The following ADAMTS6 variants were observed in gnomAD, a reference collection of about 807,000 sequenced individuals.
ADAMTS6 encodes ADAM metallopeptidase with thrombospondin type 1 motif 6, also known as A disintegrin and metalloproteinase with thrombospondin motifs 6.
ADAMTS6 carries 23 observed loss-of-function variants against 144.3 expected under a neutral mutation model. The ratio of observed to expected loss-of-function variants is 0.16; its 90% CI spans 0.11 to 0.23. The LOEUF (loss-of-function observed/expected upper bound fraction) is 0.23, where lower values mean the gene tolerates loss of function less well. Ranked by LOEUF, ADAMTS6 falls within the 10% of genes least tolerant of loss-of-function variation. The pLI is 1.00. For synonymous variants in ADAMTS6, 444 were observed against 457.5 expected, an observed-to-expected ratio of 0.97 and a Z score of 0.38; for missense variants, 999 against 1,379.6, an observed-to-expected ratio of 0.72 and a Z score of 4.37.
At chr5:65,284,537 T>C (rs528162223) in intron 11 of ADAMTS6, among the ~76,000 whole-genome samples, 2 of 152,226 alleles carry the variant, frequency 1.3e-5, no homozygotes, top group Admixed American at 6.5e-5. Context: ...TACTATAAAT[T>C]AATAAATCCA....
At chr5:65,268,319 A>G (rs1360881934) in intron 12 of ADAMTS6, among the ~76,000 whole-genome samples, 1 of 152,234 alleles carries the variant, frequency 6.6e-6, no homozygotes, top group Non-Finnish European at 1.5e-5. Flanking sequence ...AACAGGGATT[A>G]CAAGGATTGG....
At chr5:65,388,165 C>T (rs201862506) in intron 7 of ADAMTS6, among the ~76,000 whole-genome samples, 3 of 152,072 alleles carry the variant, frequency 2.0e-5, no homozygotes, top group South Asian at 2.1e-4. Flanking sequence ...GCCAAGATCG[C>T]GCCATTGCAT....
At position 65,451,751 on chromosome 5, in the gene ADAMTS6, T is replaced by G. The variant is rs546342241; in HGVS notation, c.928-131A>C. 3.6e-5 allele frequency: 38 copies of G among 1,065,214 alleles called. No homozygotes were observed. In the South Asian group the frequency reaches 5.3e-4, roughly 15 times the overall value. 66.0% of individuals were successfully genotyped at this position (1,065,214 alleles called of 1,614,324 possible). A position where few individuals can be genotyped will look rare whatever the true frequency, so the allele number is the denominator to read the frequency against. On this transcript the variant is annotated intron_variant, in intron 6 of 24. Transcript: ENST00000381055. The stretch of plus-strand genomic sequence containing the variant: ...AGGAATAATCTCTTGCCAATTTTTA[T>G]CTCTGTAATATCTGACCTAGAGCTC...
chr5:65,283,784 T>C (rs764504293), intron 11 of ADAMTS6, among the ~76,000 whole-genome samples: 10 of 152,144 alleles, frequency 6.6e-5, no homozygotes, highest in Non-Finnish European at 1.3e-4. Context: ...TAACTTGAAA[T>C]TCTTCCTAAT....
chr5:65,300,930 C>A (rs6885138), intron 9 of ADAMTS6, among the ~76,000 whole-genome samples: 2 of 152,068 alleles, frequency 1.3e-5, no homozygotes, highest in African/African-American at 4.8e-5. Context: ...CGCGCCCGGC[C>A]GTAAGTCCTT....
chr5:65,196,659 G>C (rs1423664729), intron 21 of ADAMTS6, among the ~76,000 whole-genome samples: 1 of 150,738 alleles, frequency 6.6e-6, no homozygotes, highest in Non-Finnish European at 1.5e-5. Flanking sequence ...ATTAAGAGAG[G>C]GGAAAAATGT....
intron 7 of ADAMTS6, among the ~76,000 whole-genome samples, chr5:65,448,546 G>A (rs1185148431): frequency 2.6e-5 from 4 of 151,540 alleles, no homozygotes; most frequent in South Asian, 2.1e-4. Context: ...TCCACCTCCC[G>A]GGTTCATGCC....
intron 14 of ADAMTS6, chr5:65,251,128 T>G (rs1170449202): frequency 6.6e-6 from 1 of 152,224 alleles, no homozygotes; most frequent in East Asian, 1.9e-4. Flanking sequence ...ACATAATAAT[T>G]AAAAGTATAT....
chr5:65,200,667 A>G (rs1422524178), intron 20 of ADAMTS6, among the ~76,000 whole-genome samples: 5 of 152,164 alleles, frequency 3.3e-5, no homozygotes, highest in Non-Finnish European at 7.4e-5. Context: ...AAAATACACT[A>G]ATTGTATTTT....
chr5:65,187,863 C>T (rs1042160427), intron 22 of ADAMTS6, among the ~76,000 whole-genome samples, 153 bp downstream of exon 22: 1 of 152,154 alleles, frequency 6.6e-6, no homozygotes, highest in African/African-American at 2.4e-5. Context: ...CCCCTTATTT[C>T]CTGACAAGCA....
intron 7 of ADAMTS6, among the ~76,000 whole-genome samples, chr5:65,425,784 G>A (rs1229776693): frequency 6.7e-6 from 1 of 148,280 alleles, no homozygotes; most frequent in Non-Finnish European, 1.5e-5. Flanking sequence ...TTTTTTTTGA[G>A]ACGGAGTCTC....
At chr5:65,370,866 A>G (rs1023590248) in intron 7 of ADAMTS6, among the ~76,000 whole-genome samples, 2 of 152,216 alleles carry the variant, frequency 1.3e-5, no homozygotes, top group Admixed American at 1.3e-4. Flanking sequence ...GCAGACTTAA[A>G]TGTCCCTGTC....
Position 65,151,598 on chromosome 5 carries a change from G to T in ADAMTS6, c.*238C>A. 1 of 443,200 alleles carries T rather than the reference G, an allele frequency of 2.3e-6. No individual in the cohort carries two copies. 27.5% of individuals were successfully genotyped at this position (443,200 alleles called of 1,614,324 possible). ...TAAGCAAGTCTCCCTGTGTTGTTTG[G>T]ATCTCTCCAATCTGGCATTCCCTCC... On this transcript the variant is annotated 3_prime_UTR_variant, in exon 25 of 25. Transcript: ENST00000381055.
At chr5:65,297,485 T>C (rs1043280170) in intron 10 of ADAMTS6, among the ~76,000 whole-genome samples, 2 of 152,152 alleles carry the variant, frequency 1.3e-5, no homozygotes, top group African/African-American at 4.8e-5. Context: ...GGGCTGCAGT[T>C]CCTAAACAAT....
At chr5:65,465,581 C>T (rs1322664382) in intron 3 of ADAMTS6, among the ~76,000 whole-genome samples, 2 of 152,198 alleles carry the variant, frequency 1.3e-5, no homozygotes, top group African/African-American at 4.8e-5. Flanking sequence ...TCCTCCCACT[C>T]CATTTTAAAC....
intron 3 of ADAMTS6, among the ~76,000 whole-genome samples, chr5:65,461,997 A>G (rs1006289668): frequency 8.5e-5 from 13 of 152,226 alleles, no homozygotes; most frequent in Admixed American, 2.6e-4. Flanking sequence ...GCAGTCACCT[A>G]CATGAAATGA....
intron 9 of ADAMTS6, among the ~76,000 whole-genome samples, chr5:65,302,294 TA>T (rs1743503399): frequency 6.9e-6 from 1 of 144,656 alleles, no homozygotes; most frequent in African/African-American, 2.5e-5. Context: ...AATATTAATA[TA>T]TAATATATAA....
At chr5:65,253,605 T>C (rs1040105809) in intron 14 of ADAMTS6, among the ~76,000 whole-genome samples, 1 of 152,094 alleles carries the variant, frequency 6.6e-6, no homozygotes, top group African/African-American at 2.4e-5. Context: ...AAGAAAGGTA[T>C]ATTCTTTTAA....
intron 15 of ADAMTS6, among the ~76,000 whole-genome samples, chr5:65,237,679 T>G (rs910413807): frequency 6.6e-6 from 1 of 152,162 alleles, no homozygotes; most frequent in African/African-American, 2.4e-5. Context: ...GAAAAATATT[T>G]ACAAATTTAA....
Sources: allele counts gnomAD v4.1 joint callset (sites outside exome capture counted in the v4.1 genomes callset), GRCh38; gene constraint gnomAD v4.1.1; transcripts MANE v1.5; gene names NCBI Gene and HGNC (gene_info 2026-07-23, HGNC 2026-07-21).